PSME1: variants seen among roughly 807,000 people sequenced by gnomAD.
PSME1 encodes proteasome activator subunit 1.
A neutral mutation model predicts 38.4 loss-of-function variants in PSME1; 15 were observed. The ratio of observed to expected loss-of-function variants is 0.39; its 90% confidence interval spans 0.26 to 0.60. The LOEUF is 0.60. Ranked by LOEUF, PSME1 falls within the 20% of genes least tolerant of loss-of-function variation. The pLI is 0.53. For synonymous variants in PSME1, 106 were observed against 106.8 expected, an observed-to-expected ratio of 0.99 and a Z score of 0.05; for missense variants, 249 against 305.6, an observed-to-expected ratio of 0.81 and a Z score of 1.38.
Position 24,138,409 on chromosome 14 carries a change from G to A in PSME1, c.582+10G>A, listed in dbSNP as rs2139048089. On this transcript the variant is annotated intron_variant, in intron 9 of 10. Coordinates refer to ENST00000206451, the MANE Select transcript of PSME1 (RefSeq NM_006263.4). ...CAAGCAGCCCCATGTGGTAGGTGAG[G>A]CCCAGGTCAGGGTGCATGGGGGAAG... The A allele has an allele frequency of 1.9e-6, 3 of 1,614,180 alleles. No individual in the cohort carries two copies. Among genetic ancestry groups the A allele is most frequent in the East Asian group, 4.5e-5 (2 of 44,890 alleles).
At position 24,138,327 on chromosome 14, in the gene PSME1, A is replaced by T; in HGVS notation, c.528-18A>T. The T allele has an allele frequency of 1.2e-6, 2 of 1,613,964 alleles. No homozygotes were observed. The highest frequency in any genetic ancestry group is 1.7e-6 in the Non-Finnish European group (2 of 1,179,956). ...GAGACCTCCTTCTTCTACTCCATAC[A>T]CACTTCTCCTTCCACAGGTATTTCT... is the stretch of plus-strand genomic sequence containing the variant. On this transcript the variant is annotated intron_variant, in intron 8 of 10. Coordinates refer to ENST00000206451, the MANE Select transcript of PSME1 (RefSeq NM_006263.4).
In PSME1 at chr14:24,138,754, A is replaced by G. The variant is rs1181393902; in HGVS notation, c.688A>G (p.Ile230Val). ...RNAYAVLYDI[I>V]LKNFEKLKKP... Reference sequence around the variant, plus strand: ...CCTGTAGGCTGTGTTATATGACATCATCCTGAAGAACTTCGAGAAGCTCAA... The same window carrying G: ...CCTGTAGGCTGTGTTATATGACATCGTCCTGAAGAACTTCGAGAAGCTCAA... Residue 230 changes from isoleucine to valine, a missense_variant, in exon 11 of 11, where the codon ATC becomes GTC. Transcript: ENST00000206451. 6.2e-7 allele frequency: 1 copy of G among 1,614,206 alleles called. No homozygotes were observed. The highest frequency in any genetic ancestry group is 8.5e-7 in the Non-Finnish European group (1 of 1,180,038).
Position 24,138,780 on chromosome 14 carries a change from G to A in PSME1, c.714G>A (p.Lys238=), listed in dbSNP as rs1368538249. 1 of 1,614,204 alleles carries A rather than the reference G, an allele frequency of 6.2e-7. No individual in the cohort carries two copies. The highest frequency in any genetic ancestry group is 1.3e-5 in the African/African-American group (1 of 75,038). ...DIILKNFEKL[K]KPRGETKGMI... ...TCCTGAAGAACTTCGAGAAGCTCAA[G>A]AAGCCCAGGGGAGAAACAAAGGGAA... The change falls in exon 11 of 11, where the codon AAG becomes AAA. Residue 238 remains lysine (K), a synonymous_variant. Transcript: ENST00000206451.
Position 24,137,400 on chromosome 14 carries a change from AAG to A in PSME1, c.219_220del (p.Lys74ArgfsTer14). 6.2e-7 allele frequency: 1 copy of A among 1,614,182 alleles called. No individual in the cohort carries two copies. Among genetic ancestry groups the A allele is most frequent in the Non-Finnish European group, 8.5e-7 (1 of 1,180,028 alleles). On this transcript the variant is annotated frameshift_variant, in exon 4 of 11. Transcript: ENST00000206451. LOFTEE classifies it high-confidence loss of function. ...CCAGTGCCTGATCCAGTCAAGGAGA[AAG>A]AGAAAGAGGAGCGGAAGAAACAGCA... is the stretch of plus-strand genomic sequence containing the variant.
In PSME1 at chr14:24,136,525, G is replaced by C. The variant is rs2037904983; in HGVS notation, c.39+224G>C. On this transcript the variant is annotated intron_variant, in intron 1 of 10. Transcript: ENST00000206451. The surrounding 1 kb of genome is among the most constrained non-coding windows in gnomAD (Gnocchi z 4.8). ...TGAGGTGAAGCGGAGAGCTGGCGTG[G>C]AGGGGAACTCCGCTGGCCTGGGGCC... Among the ~76,000 whole-genome samples the C allele has an allele frequency of 6.6e-6, 1 of 152,174 alleles. No homozygotes were observed. Among genetic ancestry groups the C allele is most frequent in the South Asian group, 2.1e-4 (1 of 4,834 alleles).
intron 6 of PSME1, 49 bp from the exon 7 acceptor site, chr14:24,138,000 G>C (rs149357943): frequency 1.2e-6 from 2 of 1,600,900 alleles, no homozygotes; most frequent in South Asian, 1.1e-5. Context: ...TATGAAACTG[G>C]GAATTGGGTA....
chr14:24,138,200 A>G lies in PSME1; in HGVS notation c.464A>G (p.Lys155Arg). The change falls in exon 8 of 11, where the codon AAG (lysine) becomes AGG (arginine). Residue 155 changes from lysine to arginine, a missense_variant. Transcript: ENST00000206451. The stretch of plus-strand genomic sequence containing the variant: ...CCCCTTGCTTTTTTTCCCTAGGAGA[A>G]GGTGTTTGAGCTGATGACCAGCCTC... The part of the protein sequence containing the change: ...GNNFGVAVQE[K>R]VFELMTSLHT... 2 of 1,614,134 alleles carry G rather than the reference A, an allele frequency of 1.2e-6. No homozygotes were observed. Among genetic ancestry groups the G allele is most frequent in the Non-Finnish European group, 1.7e-6 (2 of 1,180,012 alleles).
intron 7 of PSME1, 25 bp downstream of exon 7, chr14:24,138,142 GCT>G (rs1440924634): frequency 6.2e-7 from 1 of 1,614,092 alleles, no homozygotes; most frequent in South Asian, 1.1e-5. Flanking sequence ...CCACTTCCCT[GCT>G]CTTTTCTAGT....
rs760379103 is a variant in PSME1, at chr14:24,136,259, G to T, written c.-4G>T. On this transcript the variant is annotated 5_prime_UTR_variant, in exon 1 of 11. Transcript: ENST00000206451. The surrounding 1 kb of genome is among the most constrained non-coding windows in gnomAD (Gnocchi z 4.8). ...TGTGCGGCGCTAGGCCCCCCGTCCC[G>T]GTCATGGCCATGCTCAGGGTCCAGC... is the stretch of plus-strand genomic sequence containing the variant. The T allele has an allele frequency of 1.2e-5, 18 of 1,527,216 alleles. No homozygotes were observed. In the South Asian group the frequency reaches 2.2e-4, roughly 19 times the overall value. 94.6% of individuals were successfully genotyped at this position (1,527,216 alleles called of 1,614,324 possible).
In PSME1 at chr14:24,138,958, C is replaced by T; in HGVS notation, c.*142C>T. On this transcript the variant is annotated 3_prime_UTR_variant, in exon 11 of 11. Transcript: ENST00000206451. ...AGGCACAATAAATATAGTTATACCA[C>T]TGCCCATCAGCCCAAGTCTCTTTAT... 2 of 1,604,872 alleles carry T rather than the reference C, an allele frequency of 1.2e-6. No homozygotes were observed. Among genetic ancestry groups the T allele is most frequent in the South Asian group, 2.2e-5 (2 of 90,580 alleles).
In PSME1 at chr14:24,137,020, A is replaced by C; in HGVS notation, c.72+3A>C. ...TTCGTGAAGACCTCTGTACCAAGGT[A>C]AGACATGCCCCATCAGCGTGGCCCC... On this transcript the variant is annotated splice_donor_region_variant and intron_variant, in intron 2 of 10. Transcript: ENST00000206451. 1.2e-6 allele frequency: 2 copies of C among 1,614,154 alleles called. No individual in the cohort carries two copies. The highest frequency in any genetic ancestry group is 1.7e-6 in the Non-Finnish European group (2 of 1,180,022).
chr14:24,137,529 A>T lies in PSME1; in HGVS notation c.256A>T (p.Lys86Ter). The T allele has an allele frequency of 1.2e-6, 2 of 1,614,224 alleles. No individual in the cohort carries two copies. The highest frequency in any genetic ancestry group is 1.7e-6 in the Non-Finnish European group (2 of 1,180,030). Reference protein sequence around the residue: ...ERKKQQEKEDKDEKKKGEDED... With the variant: ...ERKKQQEKED ...TCCTCTCTTTCTGCAGAAGGAAGAC[A>T]AGGATGAAAAGAAGAAGGGGGAGGA... Residue 86 changes from lysine (K) to a stop codon, truncating the protein, a stop_gained, in exon 5 of 11, where the codon AAG (lysine) becomes TAG (stop). Coordinates refer to ENST00000206451, the MANE Select transcript of PSME1 (RefSeq NM_006263.4). LOFTEE classifies it high-confidence loss of function.
At chr14:24,137,046 A>C in intron 2 of PSME1, 29 bp downstream of exon 2, 1 of 1,613,930 alleles carries the variant, frequency 6.2e-7, no homozygotes, top group Non-Finnish European at 8.5e-7. Flanking sequence ...GCGTGGCCCC[A>C]CCCCTGCCCA....
rs765375261 is a variant in PSME1, at chr14:24,138,600, C to T, written c.669+40C>T. 22 of 1,613,760 alleles carry T rather than the reference C, an allele frequency of 1.4e-5. No homozygotes were observed. The Admixed American group carries it at 3.2e-4, about 23-fold the overall frequency. On this transcript the variant is annotated intron_variant, in intron 10 of 10. Coordinates refer to ENST00000206451, the MANE Select transcript of PSME1 (RefSeq NM_006263.4). Reference sequence around the variant, plus strand: ...GCAGGGCAGGGGTGGGCAGAGGCAGCTTTCCCAGGCCACCCACTCCCTGAC... The same window carrying T: ...GCAGGGCAGGGGTGGGCAGAGGCAGTTTTCCCAGGCCACCCACTCCCTGAC...
At position 24,136,884 on chromosome 14, in the gene PSME1, C is replaced by T. The variant is rs2037911359; in HGVS notation, c.40-101C>T. 6 of 1,444,430 alleles carry T rather than the reference C, an allele frequency of 4.2e-6. No homozygotes were observed. The highest frequency in any genetic ancestry group is 9.7e-7 in the Non-Finnish European group (1 of 1,030,658). 89.5% of individuals were successfully genotyped at this position (1,444,430 alleles called of 1,614,324 possible). Reference sequence around the variant, plus strand: ...AGGTCTGGCCTTAGAGGGATCCCCTCCACCCTTCCCCAGGTCAGGCCCTAC... The same window carrying T: ...AGGTCTGGCCTTAGAGGGATCCCCTTCACCCTTCCCCAGGTCAGGCCCTAC... On this transcript the variant is annotated intron_variant, in intron 1 of 10. Transcript: ENST00000206451. The surrounding 1 kb of genome is among the most constrained non-coding windows in gnomAD (Gnocchi z 4.8).
chr14:24,136,881 C>T lies in PSME1; in HGVS notation c.40-104C>T, dbSNP rs2037911293. ...TTCAGGTCTGGCCTTAGAGGGATCC[C>T]CTCCACCCTTCCCCAGGTCAGGCCC... On this transcript the variant is annotated intron_variant, in intron 1 of 10. Coordinates refer to ENST00000206451, the MANE Select transcript of PSME1 (RefSeq NM_006263.4). This position sits in a 1 kb window ranked among gnomAD's most constrained non-coding sequence, Gnocchi z 4.8. 2.8e-6 allele frequency: 4 copies of T among 1,422,018 alleles called. No individual in the cohort carries two copies. The highest frequency in any genetic ancestry group is 4.0e-6 in the Non-Finnish European group (4 of 1,011,104). 88.1% of individuals were successfully genotyped at this position (1,422,018 alleles called of 1,614,324 possible).
rs188982890 is a variant in PSME1, at chr14:24,138,946, A to G, written c.*130A>G. 1.0e-5 allele frequency: 16 copies of G among 1,600,100 alleles called. No individual in the cohort carries two copies. In the East Asian group the frequency reaches 3.4e-4, roughly 34 times the overall value. ...ACCTTGCCTCTCAGGCACAATAAATATAGTTATACCACTGCCCATCAGCCC... is the reference window on the plus strand; with the variant it reads ...ACCTTGCCTCTCAGGCACAATAAATGTAGTTATACCACTGCCCATCAGCCC... On this transcript the variant is annotated 3_prime_UTR_variant, in exon 11 of 11. Coordinates refer to ENST00000206451, the MANE Select transcript of PSME1 (RefSeq NM_006263.4).
chr14:24,136,796 C>A lies in PSME1; in HGVS notation c.40-189C>A. ...CACTCCACTTTCCGTAGATCCAGGT[C>A]TGCAGAGATCCACCTTCTCCACCAC... On this transcript the variant is annotated intron_variant, in intron 1 of 10. Transcript: ENST00000206451. This position sits in a 1 kb window ranked among gnomAD's most constrained non-coding sequence, Gnocchi z 4.8. 1 of 675,930 alleles carries A rather than the reference C, an allele frequency of 1.5e-6. No individual in the cohort carries two copies. The highest frequency in any genetic ancestry group is 2.2e-5 in the Admixed American group (1 of 45,858). The allele number at this position is 675,930 out of a possible 1,614,324, so 41.9% of individuals were successfully genotyped here.
In PSME1 at chr14:24,136,275, A is replaced by G. The variant is rs756891588; in HGVS notation, c.13A>G (p.Arg5Gly). The G allele has an allele frequency of 3.9e-5, 59 of 1,530,524 alleles. No homozygotes were observed. The highest frequency in any genetic ancestry group is 8.6e-5 in the African/African-American group (6 of 69,628). The allele number at this position is 1,530,524 out of a possible 1,614,324, so 94.8% of individuals were successfully genotyped here. A position where few individuals can be genotyped will look rare whatever the true frequency, so the allele number is the denominator to read the frequency against. MAMLRVQPEAQAKVD... is the reference protein window; with the variant it reads MAMLGVQPEAQAKVD... ...CCCCGTCCCGGTCATGGCCATGCTC[A>G]GGGTCCAGCCCGAGGCCCAAGCCAA... The change falls in exon 1 of 11, where the codon AGG (arginine) becomes GGG (glycine). Residue 5 changes from arginine to glycine, a missense_variant. Arg to Gly is a moderately radical substitution (Grantham distance 125). Transcript: ENST00000206451. This position sits in a 1 kb window ranked among gnomAD's most constrained non-coding sequence, Gnocchi z 4.8.
Sources: allele counts gnomAD v4.1 joint callset (sites outside exome capture counted in the v4.1 genomes callset), GRCh38; gene constraint gnomAD v4.1.1; non-coding constraint Gnocchi (gnomAD v3.1); transcripts MANE v1.5; gene names NCBI Gene and HGNC (gene_info 2026-07-23, HGNC 2026-07-21).